The following SOX13 variants were observed in gnomAD, a reference collection of about 807,000 sequenced individuals.
SOX13 encodes the protein SRY-box transcription factor 13.
Under a neutral mutation model 71.8 loss-of-function variants are expected in SOX13, and 28 were observed. That is an observed-to-expected ratio of 0.39 (90% CI 0.29 to 0.53). The LOEUF (loss-of-function observed/expected upper bound fraction) is 0.53. Ranked by LOEUF, SOX13 falls within the 20% of genes least tolerant of loss-of-function variation. SOX13 has a pLI of 0.70. For missense variants in SOX13, 627 were observed against 810.3 expected (o/e 0.77, Z 2.75); for synonymous variants, 309 against 317.8 (o/e 0.97, Z 0.29).
At position 204,124,705 on chromosome 1, in the gene SOX13, G is replaced by T; in HGVS notation, c.1440G>T (p.Leu480=). The change falls in exon 13 of 14, where the codon CTG becomes CTT. Residue 480 remains leucine (L), a synonymous_variant. Coordinates refer to ENST00000367204, the MANE Select transcript of SOX13 (RefSeq NM_005686.3). Reference sequence around the variant, plus strand: ...CCTACTATGAGGAACAGGCGCGGCTGAGCCGGCAGCACCTGGAGAAGTATC... The same window carrying T: ...CCTACTATGAGGAACAGGCGCGGCTTAGCCGGCAGCACCTGGAGAAGTATC... ...KQPYYEEQAR[L]SRQHLEKYPD... is the part of the protein sequence containing the mutation. 2.5e-6 allele frequency: 4 copies of T among 1,613,444 alleles called. No homozygotes were observed. Among genetic ancestry groups the T allele is most frequent in the Non-Finnish European group, 3.4e-6 (4 of 1,179,742 alleles).
chr1:204,117,070 G>T, intron 5 of SOX13, 52 bp from the exon 6 acceptor site: 1 of 1,575,828 alleles, frequency 6.3e-7, no homozygotes, highest in Non-Finnish European at 8.7e-7. Context: ...GGCAGACTGG[G>T]CACCAGGGCT....
chr1:204,088,286 A>G (rs958974694), intron 1 of SOX13, among the ~76,000 whole-genome samples: 2 of 152,162 alleles, frequency 1.3e-5, no homozygotes, highest in Non-Finnish European at 2.9e-5. Context: ...GCATTGGTGC[A>G]AAGGGGATGC....
chr1:204,114,731 C>T lies in SOX13; in HGVS notation c.418+126C>T, dbSNP rs536163580. On this transcript the variant is annotated intron_variant, in intron 4 of 13. Transcript: ENST00000367204. ...CTATCCTGTGCCATCTGGCTCCTGC[C>T]TGGCCTTAGGGGTCATCACCATCCC... 47 of 742,650 alleles carry T rather than the reference C, an allele frequency of 6.3e-5. 1 individual carries two copies. The South Asian group carries it at 7.4e-4, about 12-fold the overall frequency. 46.0% of individuals were successfully genotyped at this position (742,650 alleles called of 1,614,324 possible). A position where few individuals can be genotyped will look rare whatever the true frequency, so the allele number is the denominator to read the frequency against.
intron 1 of SOX13, among the ~76,000 whole-genome samples, chr1:204,112,527 A>ACACACACACACT (rs34093119): frequency 0.027 from 3,955 of 147,848 alleles, 89 homozygotes; most frequent in Middle Eastern, 0.048. Flanking sequence ...ACACACACAC[A>ACACACACACACT]CTTTCTCTCT....
intron 1 of SOX13, among the ~76,000 whole-genome samples, chr1:204,112,291 A>G (rs1656593378): frequency 6.6e-6 from 1 of 151,912 alleles, no homozygotes; most frequent in African/African-American, 2.4e-5. Context: ...AAATACAAAT[A>G]TTAGTTGGGG....
At chr1:204,105,589 G>A (rs1026222130) in intron 1 of SOX13, among the ~76,000 whole-genome samples, 3 of 151,846 alleles carry the variant, frequency 2.0e-5, no homozygotes, top group African/African-American at 2.4e-5. Flanking sequence ...TATTTTTAGT[G>A]GAGATGGGGT....
At position 204,123,205 on chromosome 1, in the gene SOX13, G is replaced by T. The variant is rs561040843; in HGVS notation, c.1228G>T (p.Asp410Tyr). The T allele has an allele frequency of 8.7e-5, 141 of 1,612,234 alleles. 1 individual carries two copies. The South Asian group carries it at 1.4e-3, about 16-fold the overall frequency. Residue 410 changes from aspartate (D) to tyrosine (Y), a missense_variant, in exon 11 of 14, where the codon GAT (aspartate) becomes TAT (tyrosine). Around this residue, in one of 3 missense-constraint regions of SOX13, gnomAD observed 447 missense variants for 532.2 expected, o/e 0.84. Transcript: ENST00000367204. The surrounding 1 kb of genome is among the most constrained non-coding windows in gnomAD (Gnocchi z 5.0). ...LEEAMLSCDMDGSRHFPESRN... is the reference protein window; with the variant it reads ...LEEAMLSCDMYGSRHFPESRN... Reference sequence around the variant, plus strand: ...GGAAGCCATGCTGAGCTGCGACATGGATGGTGAGGGCTCAGGCGCAGGGCT... The same window carrying T: ...GGAAGCCATGCTGAGCTGCGACATGTATGGTGAGGGCTCAGGCGCAGGGCT...
At chr1:204,098,315 T>C (rs1192535126) in intron 1 of SOX13, among the ~76,000 whole-genome samples, 3 of 152,030 alleles carry the variant, frequency 2.0e-5, no homozygotes, top group Non-Finnish European at 4.4e-5. Context: ...CCATCTCTAC[T>C]AAAAATACAA....
At chr1:204,120,399 G>A (rs1050631221) in intron 7 of SOX13, among the ~76,000 whole-genome samples, 1 of 152,266 alleles carries the variant, frequency 6.6e-6, no homozygotes, top group Non-Finnish European at 1.5e-5. Context: ...GCCCGGGACT[G>A]GCATGGCTGC....
Position 204,081,305 on chromosome 1 carries a change from C to T in SOX13, c.-2+7594C>T, listed in dbSNP as rs1287486891. Among the ~76,000 whole-genome samples the T allele has an allele frequency of 1.3e-5, 2 of 152,178 alleles. No homozygotes were observed. Among genetic ancestry groups the T allele is most frequent in the East Asian group, 3.8e-4 (2 of 5,202 alleles). On this transcript the variant is annotated intron_variant, in intron 1 of 13. Coordinates refer to ENST00000367204, the MANE Select transcript of SOX13 (RefSeq NM_005686.3). This position sits in a 1 kb window ranked among gnomAD's most constrained non-coding sequence, Gnocchi z 4.3. ...GTAATACAACAATGTGTATCACTTTCGTCATCAGGATGAAAAGGATTTAAA... is the reference window on the plus strand; with the variant it reads ...GTAATACAACAATGTGTATCACTTTTGTCATCAGGATGAAAAGGATTTAAA...
rs573717019 is a variant in SOX13, at chr1:204,073,695, C to A, written c.-18C>A. On this transcript the variant is annotated 5_prime_UTR_variant, in exon 1 of 14. Transcript: ENST00000367204. This position sits in a 1 kb window ranked among gnomAD's most constrained non-coding sequence, Gnocchi z 6.8. The stretch of plus-strand genomic sequence containing the variant: ...AGCCGCGAGCCCCGAGCCCCGAGCC[C>A]GGCGCCTGGCTGAGTAGTAAGTGCA... The A allele has an allele frequency of 1.7e-3, 257 of 152,414 alleles. 2 individuals are homozygous for A. Among genetic ancestry groups the A allele is most frequent in the Non-Finnish European group, 2.8e-3 (191 of 68,148 alleles). 9.4% of individuals were successfully genotyped at this position (152,414 alleles called of 1,614,324 possible).
intron 2 of SOX13, among the ~76,000 whole-genome samples, chr1:204,113,810 C>T (rs2037679): frequency 0.83 from 126,822 of 151,962 alleles, 54,007 homozygotes; most frequent in Non-Finnish European, 0.92. Flanking sequence ...AGGACTTTGA[C>T]GAGAAGAGGA....
intron 1 of SOX13, among the ~76,000 whole-genome samples, chr1:204,079,494 C>T (rs1193115619): frequency 2.1e-5 from 3 of 146,064 alleles, no homozygotes; most frequent in Non-Finnish European, 3.0e-5. Context: ...TACAGGCATG[C>T]GCCACCACGC....
chr1:204,076,198 C>G (rs2102216345), intron 1 of SOX13, among the ~76,000 whole-genome samples: 1 of 152,312 alleles, frequency 6.6e-6, no homozygotes, highest in Non-Finnish European at 1.5e-5. Flanking sequence ...GAAATCAGGT[C>G]CCAGGAAGGA....
intron 5 of SOX13, 22 bp from the exon 6 acceptor site, chr1:204,117,100 G>A (rs1163973331): frequency 6.2e-7 from 1 of 1,613,306 alleles, no homozygotes; most frequent in South Asian, 1.1e-5. Context: ...GACCCCCTCT[G>A]CCTACTCTTT....
intron 1 of SOX13, among the ~76,000 whole-genome samples, chr1:204,086,878 G>A (rs1229452678): frequency 2.0e-5 from 3 of 151,968 alleles, no homozygotes; most frequent in Admixed American, 6.6e-5. Context: ...AGCCTGTCTG[G>A]GCCTTGGTCT....
chr1:204,083,716 G>T (rs551940158), intron 1 of SOX13, among the ~76,000 whole-genome samples: 1 of 152,210 alleles, frequency 6.6e-6, no homozygotes, highest in Non-Finnish European at 1.5e-5. Context: ...CTGGTCCTCC[G>T]TCCCTGAGGC....
At chr1:204,091,988 C>T (rs924536052) in intron 1 of SOX13, among the ~76,000 whole-genome samples, 1 of 152,052 alleles carries the variant, frequency 6.6e-6, no homozygotes, top group Non-Finnish European at 1.5e-5. Flanking sequence ...TCTGTCCTTT[C>T]TGTCTTCTTT....
rs149195053 is a variant in SOX13 at position 204,115,557 on chromosome 1, G to A, written c.419-950G>A. ...CAGGAATAAACTGCTGCATCAGACAGGAGCTAAACTGGAGGTCAGGGGGAC... is the reference window on the plus strand; with the variant it reads ...CAGGAATAAACTGCTGCATCAGACAAGAGCTAAACTGGAGGTCAGGGGGAC... On this transcript the variant is annotated intron_variant, in intron 4 of 13. Coordinates refer to ENST00000367204, the MANE Select transcript of SOX13 (RefSeq NM_005686.3). Among the ~76,000 whole-genome samples, 1,180 of 145,222 alleles carry A rather than the reference G, an allele frequency of 8.1e-3. 11 individuals are homozygous for A. The highest frequency in any genetic ancestry group is 0.026 in the African/African-American group (1,044 of 39,406).
Sources: gnomAD v4.1 joint callset for allele counts (sites outside exome capture counted in the v4.1 genomes callset) on GRCh38, gnomAD v4.1.1 for gene constraint, gnomAD v4.1.1 regional missense constraint, Gnocchi (gnomAD v3.1) non-coding constraint, MANE v1.5 for transcripts, NCBI Gene and HGNC (gene_info 2026-07-23, HGNC 2026-07-21) for gene names.